Variants in PINK1 observed in about 807,000 individuals in gnomAD.
PINK1 encodes PTEN induced kinase 1, also known as serine/threonine-protein kinase PINK1, mitochondrial.
A neutral mutation model predicts 56.0 loss-of-function variants in PINK1; 58 were observed. The observed-to-expected ratio is 1.04, with a 90% CI of 0.84 to 1.29. The LOEUF is 1.29. Among genes scored for constraint, PINK1 ranks in the 50% most tolerant of loss-of-function variants. PINK1 has a pLI of 0.00. For synonymous variants in PINK1, 354 were observed against 339.3 expected (o/e 1.04, Z -0.48); for missense variants, 745 against 777.9 (o/e 0.96, Z 0.50).
intron 1 of PINK1, among the ~76,000 whole-genome samples, chr1:20,634,449 C>T (rs935817316): frequency 3.3e-5 from 5 of 152,326 alleles, no homozygotes; most frequent in Middle Eastern, 3.4e-3. Flanking sequence ...AAAAACAGTC[C>T]TAACATTTTA....
chr1:20,644,748 A>G lies in PINK1; in HGVS notation c.959+76A>G, dbSNP rs987741774. 4 of 1,552,652 alleles carry G rather than the reference A, an allele frequency of 2.6e-6. No individual in the cohort carries two copies. The African/African-American group carries it at 4.1e-5, about 16-fold the overall frequency. On this transcript the variant is annotated intron_variant, in intron 4 of 7. Transcript: ENST00000321556. ...GAGCTGGTTCCTGCCCTCCATGTGCACCTTGATCAGGGGGTTTTGGAGAAC... is the reference window on the plus strand; with the variant it reads ...GAGCTGGTTCCTGCCCTCCATGTGCGCCTTGATCAGGGGGTTTTGGAGAAC...
intron 1 of PINK1, among the ~76,000 whole-genome samples, chr1:20,635,620 G>A (rs1009582744): frequency 2.0e-5 from 3 of 151,890 alleles, no homozygotes; most frequent in South Asian, 2.1e-4. Flanking sequence ...AGGCCAAGGC[G>A]GGCGGATCAT....
At chr1:20,634,232 A>G (rs1363836980) in intron 1 of PINK1, among the ~76,000 whole-genome samples, 1 of 152,232 alleles carries the variant, frequency 6.6e-6, no homozygotes, top group African/African-American at 2.4e-5. Context: ...TGTACGGACA[A>G]CTAAATCATA....
chr1:20,643,633 G>A (rs2053140900), intron 3 of PINK1, among the ~76,000 whole-genome samples: 1 of 152,208 alleles, frequency 6.6e-6, no homozygotes, highest in African/African-American at 2.4e-5. Context: ...CAGCATTCCA[G>A]CATGATGTCT....
chr1:20,640,189 A>G (rs1413104065), intron 3 of PINK1, among the ~76,000 whole-genome samples, 197 bp downstream of exon 3: 1 of 152,216 alleles, frequency 6.6e-6, no homozygotes, highest in African/African-American at 2.4e-5. Flanking sequence ...ATGATGATGC[A>G]CTTGCGTAAT....
At chr1:20,647,074 T>G (rs2053192914) in intron 5 of PINK1, among the ~76,000 whole-genome samples, 1 of 140,366 alleles carries the variant, frequency 7.1e-6, no homozygotes, top group Non-Finnish European at 1.6e-5. Flanking sequence ...TTTTTTTTTT[T>G]GAGACTGAGT....
At chr1:20,642,181 G>C (rs1036782663) in intron 3 of PINK1, among the ~76,000 whole-genome samples, 2 of 152,180 alleles carry the variant, frequency 1.3e-5, no homozygotes. Context: ...GCACCGTCTA[G>C]GCTCTGCCCC....
intron 1 of PINK1, among the ~76,000 whole-genome samples, chr1:20,636,379 C>T (rs1461876390): frequency 4.0e-5 from 6 of 151,176 alleles, no homozygotes; most frequent in African/African-American, 1.5e-4. Context: ...GAGTCTCACA[C>T]CGTCGCCCAG....
intron 5 of PINK1, 133 bp from the exon 6 acceptor site, chr1:20,648,372 G>C: frequency 7.3e-7 from 1 of 1,372,630 alleles, no homozygotes; most frequent in South Asian, 1.3e-5. Context: ...AGGCCTTGCT[G>C]ACCTCCTGGG....
intron 3 of PINK1, chr1:20,643,111 A>C (rs2053134722): frequency 6.6e-6 from 1 of 152,204 alleles, no homozygotes; most frequent in Non-Finnish European, 1.5e-5. Context: ...CTTCCTCTCC[A>C]CTGCAGACTG....
intron 2 of PINK1, chr1:20,638,414 T>G: frequency 2.4e-6 from 1 of 423,242 alleles, no homozygotes; most frequent in Non-Finnish European, 4.4e-6. Flanking sequence ...GCCAATCACT[T>G]GAGCTCAGGA....
Position 20,637,897 on chromosome 1 carries a change from T to G in PINK1, c.443T>G (p.Leu148Trp), listed in dbSNP as rs56297806. The change falls in exon 2 of 8, where the codon TTG (leucine) becomes TGG (tryptophan). Residue 148 changes from leucine (L) to tryptophan (W), a missense_variant. Coordinates refer to ENST00000321556, the MANE Select transcript of PINK1 (RefSeq NM_032409.3). Reference sequence around the variant, plus strand: ...CCTGACCCGTTGGACACGAGACGCTTGCAGGGCTTTCGGCTGGAGGAGTAT... The same window carrying G: ...CCTGACCCGTTGGACACGAGACGCTGGCAGGGCTTTCGGCTGGAGGAGTAT... ...PGPDPLDTRR[L>W]QGFRLEEYLI... 6.2e-7 allele frequency: 1 copy of G among 1,614,226 alleles called. No individual in the cohort carries two copies. The highest frequency in any genetic ancestry group is 1.3e-5 in the African/African-American group (1 of 75,062).
At chr1:20,638,198 G>A in intron 2 of PINK1, 69 bp downstream of exon 2, 4 of 1,550,570 alleles carry the variant, frequency 2.6e-6, no homozygotes, top group Non-Finnish European at 3.5e-6. Context: ...GCCTGGTGAG[G>A]ATTTTTTCCA....
intron 5 of PINK1, 134 bp downstream of exon 5, chr1:20,645,857 G>GATTGCTAACCTCTTGT: frequency 2.5e-6 from 3 of 1,193,716 alleles, no homozygotes; most frequent in Non-Finnish European, 3.6e-6. Flanking sequence ...GCACACAAGA[G>GATTGCTAACCTCTTGT]GTTAGCAATC....
rs1486752579 is a variant in PINK1, at chr1:20,635,180, T to A, written c.387+1245T>A. On this transcript the variant is annotated intron_variant, in intron 1 of 7. Coordinates refer to ENST00000321556, the MANE Select transcript of PINK1 (RefSeq NM_032409.3). ...TTCACCCTCCTATGCCTGAAAATGT[T>A]ATTAGTTATCAATTAATTTCACATT... 2.0e-5 allele frequency among the ~76,000 whole-genome samples: 3 copies of A among 152,236 alleles called. No individual in the cohort carries two copies. In the East Asian group the frequency reaches 5.8e-4, roughly 29 times the overall value.
At chr1:20,639,631 G>T in intron 2 of PINK1, 1 of 540,414 alleles carries the variant, frequency 1.9e-6, no homozygotes, top group South Asian at 1.9e-5. Context: ...GATCACCTTG[G>T]CATCTCCTCC....
intron 3 of PINK1, among the ~76,000 whole-genome samples, chr1:20,643,784 T>A (rs2053142408): frequency 6.6e-6 from 1 of 152,162 alleles, no homozygotes. Context: ...TAACACTGCA[T>A]TCCCCTTGCA....
At chr1:20,640,291 A>G (rs1557562255) in intron 3 of PINK1, among the ~76,000 whole-genome samples, 1 of 152,200 alleles carries the variant, frequency 6.6e-6, no homozygotes, top group Admixed American at 6.5e-5. Flanking sequence ...CTCCTAAGAA[A>G]TGCACGGGTA....
At chr1:20,643,381 G>T (rs2053137936) in intron 3 of PINK1, among the ~76,000 whole-genome samples, 1 of 152,254 alleles carries the variant, frequency 6.6e-6, no homozygotes, top group Non-Finnish European at 1.5e-5. Context: ...AGCAGCCAGG[G>T]CAGGCAGATG....
Sources: gnomAD v4.1 joint callset for allele counts (sites outside exome capture counted in the v4.1 genomes callset) on GRCh38, gnomAD v4.1.1 for gene constraint, MANE v1.5 for transcripts, NCBI Gene and HGNC (gene_info 2026-07-23, HGNC 2026-07-21) for gene names.